DCP1A: variants seen among roughly 807,000 people sequenced by gnomAD.
The protein encoded by DCP1A is mRNA-decapping enzyme 1A.
A neutral mutation model predicts 58.0 loss-of-function variants in DCP1A; 20 were observed. That is an observed-to-expected ratio of 0.34 (90% confidence interval 0.24 to 0.50). The LOEUF (loss-of-function observed/expected upper bound fraction) is 0.50, where lower values mean the gene tolerates loss of function less well. Among genes scored for constraint, DCP1A ranks in the 20% least tolerant of loss-of-function variants. DCP1A has a pLI of 0.98. For missense variants in DCP1A, 613 were observed against 712.2 expected, an observed-to-expected ratio of 0.86 and a Z score of 1.59; for synonymous variants, 285 against 275.1, an observed-to-expected ratio of 1.04 and a Z score of -0.36.
At chr3:53,309,792 T>C (rs1349545761) in intron 5 of DCP1A, among the ~76,000 whole-genome samples, 1 of 152,214 alleles carries the variant, frequency 6.6e-6, no homozygotes, top group Non-Finnish European at 1.5e-5. Flanking sequence ...TTATTACAAG[T>C]GCTCATTCAA....
intron 3 of DCP1A, chr3:53,338,048 C>G (rs1035159242): frequency 1.7e-5 from 6 of 351,794 alleles, no homozygotes; most frequent in African/African-American, 1.3e-4. Context: ...GGCCTTGAAG[C>G]CCGAAAGACC....
intron 3 of DCP1A, chr3:53,329,334 G>A (rs1553691045): frequency 2.5e-6 from 1 of 398,328 alleles, no homozygotes; most frequent in Non-Finnish European, 4.4e-6. Context: ...ACTTTTTCTA[G>A]TGATCTAATT....
intron 3 of DCP1A, 110 bp downstream of exon 3, chr3:53,342,034 T>C: frequency 1.1e-6 from 1 of 944,294 alleles, no homozygotes; most frequent in Middle Eastern, 3.3e-4. Flanking sequence ...AATCATTAAG[T>C]AGAGACCATA....
chr3:53,288,153 AGAG>A lies in DCP1A; in HGVS notation c.1577_1579del (p.Pro526del), dbSNP rs1553685429. The A allele has an allele frequency of 2.5e-6, 4 of 1,613,924 alleles. No individual in the cohort carries two copies. Among genetic ancestry groups the A allele is most frequent in the South Asian group, 2.2e-5 (2 of 91,092 alleles). ...CTGACTTTCTGGCGTTCCAATAGTT[AGAG>A]GAGAAGGGGAGCTGGCTTTCCTCTC... On this transcript the variant is annotated inframe_deletion, in exon 9 of 10. Transcript: ENST00000610213.
intron 3 of DCP1A, among the ~76,000 whole-genome samples, chr3:53,320,888 C>T (rs987939013): frequency 5.9e-5 from 9 of 152,246 alleles, no homozygotes; most frequent in Non-Finnish European, 8.8e-5. Context: ...TCATAGAAGA[C>T]TGCTGTCCAT....
At chr3:53,296,611 C>T (rs1186331530) in intron 6 of DCP1A, among the ~76,000 whole-genome samples, 2 of 152,142 alleles carry the variant, frequency 1.3e-5, no homozygotes, top group African/African-American at 4.8e-5. Context: ...TAAAACTTAC[C>T]ATTTTAACCA....
At chr3:53,312,487 A>C in intron 4 of DCP1A, 108 bp from the exon 5 acceptor site, 2 of 953,146 alleles carry the variant, frequency 2.1e-6, no homozygotes, top group Non-Finnish European at 2.9e-6. Flanking sequence ...TCACATGATG[A>C]CATTCTTCTT....
chr3:53,309,339 G>A (rs1707575734), intron 5 of DCP1A, among the ~76,000 whole-genome samples: 1 of 149,182 alleles, frequency 6.7e-6, no homozygotes, highest in Non-Finnish European at 1.5e-5. Context: ...CCACTGCACT[G>A]TAGCCTGGCA....
intron 6 of DCP1A, among the ~76,000 whole-genome samples, chr3:53,299,058 C>G (rs184468722): frequency 6.6e-6 from 1 of 152,136 alleles, no homozygotes; most frequent in Admixed American, 6.5e-5. Context: ...CTATGATGTT[C>G]GGAGAATGAA....
intron 2 of DCP1A, among the ~76,000 whole-genome samples, chr3:53,344,530 A>C (rs1202720724): frequency 6.6e-6 from 1 of 152,246 alleles, no homozygotes; most frequent in Non-Finnish European, 1.5e-5. Context: ...GAACAGAGGG[A>C]TCGACCTCTC....
rs1706516179 is a variant in DCP1A, at chr3:53,283,681, T to A, written c.*3899A>T. 1 of 152,162 alleles carries A rather than the reference T, an allele frequency of 6.6e-6. No individual in the cohort carries two copies. Among genetic ancestry groups the A allele is most frequent in the Non-Finnish European group, 1.5e-5 (1 of 68,022 alleles). The allele number at this position is 152,162 out of a possible 1,614,324, so 9.4% of individuals were successfully genotyped here. On this transcript the variant is annotated 3_prime_UTR_variant, in exon 10 of 10. Transcript: ENST00000610213. The stretch of plus-strand genomic sequence containing the variant: ...AGCTGAGAATCTGGTACAATGAAAG[T>A]CATGAGAGCCACATGGCCAAAGCAG...
chr3:53,337,063 G>T (rs139444222), intron 3 of DCP1A, among the ~76,000 whole-genome samples: 31 of 152,018 alleles, frequency 2.0e-4, no homozygotes, highest in African/African-American at 7.0e-4. Flanking sequence ...GTAGAGATGG[G>T]GTTTCGCCGT....
intron 3 of DCP1A, among the ~76,000 whole-genome samples, chr3:53,335,509 A>G (rs2089097919): frequency 6.6e-6 from 1 of 152,206 alleles, no homozygotes; most frequent in African/African-American, 2.4e-5. Flanking sequence ...TCTTTTATGG[A>G]TTCTGGAAAA....
At chr3:53,345,067 CACT>C in intron 1 of DCP1A, 125 bp from the exon 2 acceptor site, 1 of 718,930 alleles carries the variant, frequency 1.4e-6, no homozygotes, top group South Asian at 1.9e-5. Context: ...TAAAATTAAC[CACT>C]TTTGAACAGG....
chr3:53,287,082 T>C lies in DCP1A; in HGVS notation c.*498A>G, dbSNP rs1706662055. On this transcript the variant is annotated 3_prime_UTR_variant, in exon 10 of 10. Coordinates refer to ENST00000610213, the MANE Select transcript of DCP1A (RefSeq NM_018403.7). ...TAATTCCTAATTTGCCGGCTTAAAT[T>C]CTGGTCCTAAAAACTAGAAGCTACT... is the stretch of plus-strand genomic sequence containing the variant. 1 of 152,398 alleles carries C rather than the reference T, an allele frequency of 6.6e-6. No individual in the cohort carries two copies. Among genetic ancestry groups the C allele is most frequent in the Admixed American group, 6.5e-5 (1 of 15,288 alleles). 9.4% of individuals were successfully genotyped at this position (152,398 alleles called of 1,614,324 possible).
At chr3:53,334,091 G>A (rs1166472470) in intron 3 of DCP1A, among the ~76,000 whole-genome samples, 1 of 151,936 alleles carries the variant, frequency 6.6e-6, no homozygotes, top group Non-Finnish European at 1.5e-5. Flanking sequence ...GAGAGACCTT[G>A]TCTCTACAAA....
chr3:53,311,996 A>G (rs1343303900), intron 5 of DCP1A, among the ~76,000 whole-genome samples: 3 of 151,288 alleles, frequency 2.0e-5, no homozygotes, highest in African/African-American at 7.3e-5. Context: ...TGTTGCCCAG[A>G]CTAGAGTGGA....
intron 4 of DCP1A, among the ~76,000 whole-genome samples, chr3:53,314,207 G>A (rs1553688959): frequency 6.6e-6 from 1 of 152,046 alleles, no homozygotes. Context: ...TGATTTTTAA[G>A]CATGCTAAAA....
At chr3:53,316,671 T>C (rs1707824752) in intron 4 of DCP1A, among the ~76,000 whole-genome samples, 1 of 148,690 alleles carries the variant, frequency 6.7e-6, no homozygotes, top group East Asian at 2.0e-4. Flanking sequence ...CTTGAACTCC[T>C]GGCCTTAAGC....
Sources: allele counts gnomAD v4.1 joint callset (sites outside exome capture counted in the v4.1 genomes callset), GRCh38; gene constraint gnomAD v4.1.1; transcripts MANE v1.5; gene names NCBI Gene and HGNC (gene_info 2026-07-23, HGNC 2026-07-21).